Variants in CBL observed in about 807,000 individuals in gnomAD.
The protein encoded by CBL is E3 ubiquitin-protein ligase CBL.
CBL carries 45 observed loss-of-function variants against 96.9 expected under a neutral mutation model. The ratio of observed to expected loss-of-function variants is 0.46; its 90% CI spans 0.37 to 0.60. The LOEUF (loss-of-function observed/expected upper bound fraction) is 0.60. Ranked by LOEUF, CBL falls within the 20% of genes least tolerant of loss-of-function variation. The probability of loss-of-function intolerance (pLI) is 0.00; values close to 1 mark genes in which losing one functional copy is unlikely to be tolerated. For missense variants in CBL, 1,024 were observed against 1,143.5 expected, an observed-to-expected ratio of 0.90 and a Z score of 1.51; for synonymous variants, 420 against 426.8, an observed-to-expected ratio of 0.98 and a Z score of 0.20.
chr11:119,302,274 G>A lies in CBL; in HGVS notation c.*2493G>A. 4.3e-6 allele frequency: 1 copy of A among 232,764 alleles called. No homozygotes were observed. The highest frequency in any genetic ancestry group is 1.8e-4 in the South Asian group (1 of 5,520). The allele number at this position is 232,764 out of a possible 1,614,324, so 14.4% of individuals were successfully genotyped here. A position where few individuals can be genotyped will look rare whatever the true frequency, so the allele number is the denominator to read the frequency against. On this transcript the variant is annotated 3_prime_UTR_variant, in exon 16 of 16. Transcript: ENST00000264033. ...CTGGGTGCTGTGAGGACACACCTGG[G>A]TCTGTGCCTGAGATTGCCAGGCAAG...
chr11:119,258,200 C>T (rs1949725352), intron 2 of CBL, among the ~76,000 whole-genome samples: 1 of 152,154 alleles, frequency 6.6e-6, no homozygotes, highest in Admixed American at 6.5e-5. Flanking sequence ...TGCACTCCAG[C>T]CTGGGCGACA....
intron 2 of CBL, among the ~76,000 whole-genome samples, chr11:119,235,801 T>C (rs1320384575): frequency 2.0e-5 from 3 of 152,228 alleles, no homozygotes; most frequent in Non-Finnish European, 2.9e-5. Flanking sequence ...TAAACCTCAC[T>C]GTCAGTGTGC....
Position 119,307,840 on chromosome 11 carries a change from G to A in CBL, c.*8059G>A, listed in dbSNP as rs551638581. ...AAACAAACACATAGGTGAGATTTTCGTGGACTATTTTAAAAATGTGTCATT... is the reference window on the plus strand; with the variant it reads ...AAACAAACACATAGGTGAGATTTTCATGGACTATTTTAAAAATGTGTCATT... On this transcript the variant is annotated 3_prime_UTR_variant, in exon 16 of 16. Transcript: ENST00000264033. 10 of 207,628 alleles carry A rather than the reference G, an allele frequency of 4.8e-5. No individual in the cohort carries two copies. Among genetic ancestry groups the A allele is most frequent in the Non-Finnish European group, 7.9e-5 (8 of 101,780 alleles). The allele number at this position is 207,628 out of a possible 1,614,324, so 12.9% of individuals were successfully genotyped here. A position where few individuals can be genotyped will look rare whatever the true frequency, so the allele number is the denominator to read the frequency against.
rs1950106351 is a variant in CBL at position 119,302,137 on chromosome 11, C to A, written c.*2356C>A. On this transcript the variant is annotated 3_prime_UTR_variant, in exon 16 of 16. Transcript: ENST00000264033. ...TTTGAATCAGCGTGAAACTGAGGCT[C>A]CAGCTCCCTGTGTTGTGTGTGTGTG... 4.3e-6 allele frequency: 1 copy of A among 232,892 alleles called. No homozygotes were observed. The highest frequency in any genetic ancestry group is 8.5e-6 in the Non-Finnish European group (1 of 117,894). 14.4% of individuals were successfully genotyped at this position (232,892 alleles called of 1,614,324 possible).
At chr11:119,232,399 T>G (rs763070755) in intron 1 of CBL, 49 bp from the exon 2 acceptor site, 17 of 1,603,398 alleles carry the variant, frequency 1.1e-5, no homozygotes, top group Non-Finnish European at 1.4e-5. Flanking sequence ...AAAAGGGAGC[T>G]GTCCTTAAAA....
intron 2 of CBL, among the ~76,000 whole-genome samples, chr11:119,237,974 C>T (rs551764753): frequency 1.3e-5 from 2 of 151,870 alleles, no homozygotes; most frequent in South Asian, 2.1e-4. Flanking sequence ...CAGGTTCAAG[C>T]GAGTCTCCTG....
In CBL at chr11:119,251,376, AAAGAT is replaced by A. The variant is rs377703454; in HGVS notation, c.443+18690_443+18694del. ...AACACACAATGGTTCAACCCAAAAAAAAGATAAGATAAGTCTGCCTTTACCCAAGG... is the reference window on the plus strand; with the variant it reads ...AACACACAATGGTTCAACCCAAAAAAAAGATAAGTCTGCCTTTACCCAAGG... On this transcript the variant is annotated intron_variant, in intron 2 of 15. Coordinates refer to ENST00000264033, the MANE Select transcript of CBL (RefSeq NM_005188.4). 3.6e-3 allele frequency among the ~76,000 whole-genome samples: 547 copies of A among 152,368 alleles called. 2 individuals carry two copies. The highest frequency in any genetic ancestry group is 0.012 in the African/African-American group (502 of 41,592).
chr11:119,252,080 A>G (rs1949673374), intron 2 of CBL, among the ~76,000 whole-genome samples: 1 of 152,084 alleles, frequency 6.6e-6, no homozygotes, highest in Admixed American at 6.6e-5. Context: ...ATTTGAATTT[A>G]ATAATACATT....
chr11:119,269,972 A>G (rs1163342792), intron 2 of CBL, among the ~76,000 whole-genome samples: 1 of 151,938 alleles, frequency 6.6e-6, no homozygotes, highest in Non-Finnish European at 1.5e-5. Context: ...ACTCCAGCCC[A>G]GGCGACAGAG....
At chr11:119,248,591 A>C (rs965994195) in intron 2 of CBL, among the ~76,000 whole-genome samples, 2 of 152,258 alleles carry the variant, frequency 1.3e-5, no homozygotes, top group Non-Finnish European at 1.5e-5. Flanking sequence ...ATCTTGGATT[A>C]GGCAATGATT....
At chr11:119,212,007 C>T (rs974559646) in intron 1 of CBL, among the ~76,000 whole-genome samples, 1 of 152,036 alleles carries the variant, frequency 6.6e-6, no homozygotes, top group African/African-American at 2.4e-5. Context: ...GCAGCCCCTG[C>T]CTCCCAGGTT....
At chr11:119,213,750 A>C (rs953512062) in intron 1 of CBL, among the ~76,000 whole-genome samples, 1 of 152,088 alleles carries the variant, frequency 6.6e-6, no homozygotes, top group African/African-American at 2.4e-5. Flanking sequence ...TCTGATACCC[A>C]GGCTGGAGTG....
At chr11:119,257,537 A>G (rs757521257) in intron 2 of CBL, among the ~76,000 whole-genome samples, 2 of 152,112 alleles carry the variant, frequency 1.3e-5, no homozygotes, top group African/African-American at 4.8e-5. Flanking sequence ...CATTGCTTGC[A>G]TGTATTTTCT....
chr11:119,212,438 C>G (rs966864781), intron 1 of CBL, among the ~76,000 whole-genome samples: 1 of 150,322 alleles, frequency 6.7e-6, no homozygotes, highest in African/African-American at 2.4e-5. Context: ...CCAGCCTGAC[C>G]AACATGGAGA....
At position 119,223,579 on chromosome 11, in the gene CBL, G is replaced by A. The variant is rs1042179667; in HGVS notation, c.196-8869G>A. Among the ~76,000 whole-genome samples, 7 of 150,672 alleles carry A rather than the reference G, an allele frequency of 4.6e-5. No homozygotes were observed. The South Asian group carries it at 6.3e-4, about 13-fold the overall frequency. On this transcript the variant is annotated intron_variant, in intron 1 of 15. Coordinates refer to ENST00000264033, the MANE Select transcript of CBL (RefSeq NM_005188.4). Reference sequence around the variant, plus strand: ...CAAGTAGCTGGGACTACAGGCGCCCGCCACCACGCCCGGCTAAATTTTTTT... The same window carrying A: ...CAAGTAGCTGGGACTACAGGCGCCCACCACCACGCCCGGCTAAATTTTTTT...
intron 12 of CBL, among the ~76,000 whole-genome samples, chr11:119,291,159 A>G (rs1463968614): frequency 6.6e-6 from 1 of 152,176 alleles, no homozygotes. Flanking sequence ...CACTTTGGGA[A>G]GCCAAGGCAG....
chr11:119,209,794 T>A (rs1290576735), intron 1 of CBL, among the ~76,000 whole-genome samples: 1 of 152,166 alleles, frequency 6.6e-6, no homozygotes, highest in Middle Eastern at 3.2e-3. Context: ...CCCCCAATAT[T>A]GGATATATAC....
chr11:119,277,697 A>C, intron 6 of CBL, 60 bp from the exon 7 acceptor site: 1 of 1,091,080 alleles, frequency 9.2e-7, no homozygotes, highest in Admixed American at 1.7e-5. Flanking sequence ...CCATTTGTCT[A>C]TATTAGCAAG....
intron 2 of CBL, among the ~76,000 whole-genome samples, chr11:119,255,010 A>G (rs185331005): frequency 5.9e-5 from 9 of 152,176 alleles, no homozygotes; most frequent in Admixed American, 4.6e-4. Context: ...CAGTTCTCCT[A>G]TTCTCTTGGT....
Sources: allele counts gnomAD v4.1 joint callset (sites outside exome capture counted in the v4.1 genomes callset), GRCh38; gene constraint gnomAD v4.1.1; transcripts MANE v1.5; gene names NCBI Gene and HGNC (gene_info 2026-07-23, HGNC 2026-07-21).